The following OPN3 variants were observed in gnomAD, a reference collection of about 807,000 sequenced individuals.
OPN3 encodes the protein opsin-3.
OPN3 carries 29 observed loss-of-function variants against 33.8 expected under a neutral mutation model. The ratio of observed to expected loss-of-function variants is 0.86; its 90% CI spans 0.64 to 1.17. The LOEUF is 1.17. OPN3 is among the 50% of genes most tolerant of loss of function. The pLI, the probability that OPN3 is intolerant of heterozygous loss-of-function variation, is 0.00. For synonymous variants in OPN3, 216 were observed against 216.1 expected (o/e 1.00, Z 0.00); for missense variants, 437 against 514.1 (o/e 0.85, Z 1.45).
intron 1 of OPN3, among the ~76,000 whole-genome samples, chr1:241,607,835 AAT>A (rs1170794793): frequency 1.3e-5 from 2 of 152,138 alleles, no homozygotes; most frequent in Admixed American, 1.3e-4. Flanking sequence ...TATAATAGCA[AAT>A]ATAGCAAATA....
At chr1:241,601,740 CAG>C (rs1176472979) in intron 2 of OPN3, among the ~76,000 whole-genome samples, 1 of 151,726 alleles carries the variant, frequency 6.6e-6, no homozygotes, top group African/African-American at 2.4e-5. Flanking sequence ...AACAAACAAA[CAG>C]AAACAAAACG....
chr1:241,609,460 G>GATGTCCT (rs1479597010), intron 1 of OPN3, among the ~76,000 whole-genome samples: 1 of 152,246 alleles, frequency 6.6e-6, no homozygotes, highest in Non-Finnish European at 1.5e-5. Flanking sequence ...GTGGTAAAGT[G>GATGTCCT]ATGTCTGTGC....
intron 1 of OPN3, among the ~76,000 whole-genome samples, chr1:241,613,261 A>C (rs986081996): frequency 6.6e-6 from 1 of 152,140 alleles, no homozygotes; most frequent in African/African-American, 2.4e-5. Flanking sequence ...ATCTCACTTA[A>C]TCTTCATAAC....
chr1:241,609,197 A>G lies in OPN3; in HGVS notation c.374-4618T>C, dbSNP rs555222183. On this transcript the variant is annotated intron_variant, in intron 1 of 3. Coordinates refer to ENST00000366554, the MANE Select transcript of OPN3 (RefSeq NM_014322.3). ...GCATCCATTTCCGTGAACACTGAAA[A>G]GCAATGGGAATGATGAGTGCTGCAA... 2.0e-5 allele frequency among the ~76,000 whole-genome samples: 3 copies of G among 152,342 alleles called. No individual in the cohort carries two copies. The East Asian group carries it at 5.8e-4, about 29-fold the overall frequency.
In OPN3 at chr1:241,640,305, G is replaced by C; in HGVS notation, c.-51C>G. On this transcript the variant is annotated 5_prime_UTR_variant, in exon 1 of 4. Coordinates refer to ENST00000366554, the MANE Select transcript of OPN3 (RefSeq NM_014322.3). ...GCGGAGGCGCTCAGCTTGCGGCGGG[G>C]CTCGCGGCGCGCTCCGCACTGGGTG... 9.0e-7 allele frequency: 1 copy of C among 1,108,012 alleles called. No homozygotes were observed. Among genetic ancestry groups the C allele is most frequent in the Non-Finnish European group, 1.1e-6 (1 of 912,682 alleles). 68.6% of individuals were successfully genotyped at this position (1,108,012 alleles called of 1,614,324 possible).
chr1:241,598,663 G>A (rs1419257460), intron 2 of OPN3, among the ~76,000 whole-genome samples: 1 of 152,142 alleles, frequency 6.6e-6, no homozygotes, highest in African/African-American at 2.4e-5. Context: ...TCCCATTAAA[G>A]GGATGGAGGA....
chr1:241,600,226 G>A (rs1663645345), intron 2 of OPN3, among the ~76,000 whole-genome samples: 1 of 152,136 alleles, frequency 6.6e-6, no homozygotes, highest in South Asian at 2.1e-4. Context: ...AGAAGATATT[G>A]ACTAATGTTT....
chr1:241,604,617 AGG>A, intron 1 of OPN3, 38 bp from the exon 2 acceptor site: 1 of 1,565,186 alleles, frequency 6.4e-7, no homozygotes, highest in Non-Finnish European at 8.7e-7. Flanking sequence ...AGCATGGTGC[AGG>A]GGGAAACCGG....
rs749063289 is a variant in OPN3 at position 241,639,983 on chromosome 1, G to C, written c.272C>G (p.Ser91Cys). Reference sequence around the variant, plus strand: ...GAAGGTAAAGGTGACCCCGAAGAGGGACACCAGCAGGTCGCTGAGGCTGAT... The same window carrying C: ...GAAGGTAAAGGTGACCCCGAAGAGGCACACCAGCAGGTCGCTGAGGCTGAT... ...VNISLSDLLV[S>C]LFGVTFTFVS... The change falls in exon 1 of 4, where the codon TCC (serine) becomes TGC (cysteine). Residue 91 changes from serine (S) to cysteine (C), a missense_variant. Physicochemically the swap from Ser to Cys is moderately radical, Grantham distance 112 (BLOSUM62 -1). Coordinates refer to ENST00000366554, the MANE Select transcript of OPN3 (RefSeq NM_014322.3). 1 of 1,612,640 alleles carries C rather than the reference G, an allele frequency of 6.2e-7. No homozygotes were observed. The highest frequency in any genetic ancestry group is 1.3e-5 in the African/African-American group (1 of 74,760).
At chr1:241,608,132 T>C (rs937227871) in intron 1 of OPN3, among the ~76,000 whole-genome samples, 2 of 152,244 alleles carry the variant, frequency 1.3e-5, no homozygotes, top group Non-Finnish European at 2.9e-5. Context: ...TGTTAAAACA[T>C]AGTTTGGCAC....
At chr1:241,605,101 G>T (rs1663793428) in intron 1 of OPN3, among the ~76,000 whole-genome samples, 1 of 150,898 alleles carries the variant, frequency 6.6e-6, no homozygotes, top group Non-Finnish European at 1.5e-5. Context: ...ATGCCATGCA[G>T]ATTAAAAAAA....
intron 1 of OPN3, among the ~76,000 whole-genome samples, chr1:241,622,706 T>C (rs746516969): frequency 1.3e-5 from 2 of 152,266 alleles, no homozygotes. Context: ...GGTAACACTT[T>C]GGCCCACGCT....
rs1487743253 is a variant in OPN3, at chr1:241,594,311, T to G, written c.*117A>C. On this transcript the variant is annotated 3_prime_UTR_variant, in exon 4 of 4. Coordinates refer to ENST00000366554, the MANE Select transcript of OPN3 (RefSeq NM_014322.3). ...CATATGGGCAATTCGGATTTCCTGCTGGACCACAAGGTTCTGTTGATATTA... is the reference window on the plus strand; with the variant it reads ...CATATGGGCAATTCGGATTTCCTGCGGGACCACAAGGTTCTGTTGATATTA... 41 of 1,176,718 alleles carry G rather than the reference T, an allele frequency of 3.5e-5. No homozygotes were observed. Among genetic ancestry groups the G allele is most frequent in the Non-Finnish European group, 4.8e-5 (40 of 837,186 alleles). The allele number at this position is 1,176,718 out of a possible 1,614,324, so 72.9% of individuals were successfully genotyped here.
At chr1:241,603,877 A>C (rs1663747012) in intron 2 of OPN3, among the ~76,000 whole-genome samples, 1 of 152,220 alleles carries the variant, frequency 6.6e-6, no homozygotes, top group Non-Finnish European at 1.5e-5. Flanking sequence ...GCCAAACAAA[A>C]CATCTGTGCT....
rs1558448350 is a variant in OPN3 at position 241,635,630 on chromosome 1, T to C, written c.373+4252A>G. The C allele has an allele frequency of 5.0e-6, 8 of 1,614,128 alleles. No individual in the cohort carries two copies. The highest frequency in any genetic ancestry group is 2.2e-5 in the South Asian group (2 of 91,076). On this transcript the variant is annotated intron_variant, in intron 1 of 3. Transcript: ENST00000366554. Reference sequence around the variant, plus strand: ...TCCTGAAAAGCTGAAACTAGCCCAGTTTCCTCCATAGTAGCTTCTTGAATC... The same window carrying C: ...TCCTGAAAAGCTGAAACTAGCCCAGCTTCCTCCATAGTAGCTTCTTGAATC...
At chr1:241,601,868 G>C (rs1663686779) in intron 2 of OPN3, among the ~76,000 whole-genome samples, 1 of 152,138 alleles carries the variant, frequency 6.6e-6, no homozygotes, top group Non-Finnish European at 1.5e-5. Flanking sequence ...TTGGTATCTA[G>C]GAATGATGAC....
chr1:241,634,434 T>C (rs1664788502), intron 1 of OPN3: 2 of 1,613,760 alleles, frequency 1.2e-6, no homozygotes, highest in East Asian at 4.5e-5. Context: ...TTTGAGCATG[T>C]TTCCTCAGAA....
intron 1 of OPN3, chr1:241,616,006 C>T (rs1664115875): frequency 2.2e-6 from 1 of 456,106 alleles, no homozygotes; most frequent in Non-Finnish European, 4.4e-6. Context: ...AGGAAGAAGC[C>T]AGAGATTAGA....
chr1:241,618,836 CTT>C (rs33992613), intron 1 of OPN3, among the ~76,000 whole-genome samples: 91,850 of 145,982 alleles, frequency 0.63, 28,901 homozygotes, highest in African/African-American at 0.69. Flanking sequence ...CTCATTGTAT[CTT>C]TTTTTTTTTT....
Sources: gnomAD v4.1 joint callset for allele counts (sites outside exome capture counted in the v4.1 genomes callset) on GRCh38, gnomAD v4.1.1 for gene constraint, MANE v1.5 for transcripts, NCBI Gene and HGNC (gene_info 2026-07-23, HGNC 2026-07-21) for gene names.